The following CDH17 variants were observed in gnomAD, a reference collection of about 807,000 sequenced individuals.
CDH17 encodes cadherin-17.
A neutral mutation model predicts 86.3 loss-of-function variants in CDH17; 67 were observed. The observed-to-expected ratio is 0.78, with a 90% confidence interval of 0.64 to 0.95. The LOEUF (loss-of-function observed/expected upper bound fraction) is 0.95. Ranked by LOEUF, CDH17 falls within the 40% of genes least tolerant of loss-of-function variation. CDH17 has a pLI of 0.00. For synonymous variants in CDH17, 367 were observed against 366.4 expected (o/e 1.00, Z -0.02); for missense variants, 993 against 1,017.6 (o/e 0.98, Z 0.33).
intron 5 of CDH17, 81 bp from the exon 6 acceptor site, chr8:94,174,341 C>T: frequency 4.3e-6 from 6 of 1,385,044 alleles, no homozygotes; most frequent in Non-Finnish European, 5.9e-6. Context: ...CTTTTTCCAT[C>T]TAAAAAGTGG....
intron 1 of CDH17, among the ~76,000 whole-genome samples, chr8:94,200,597 C>T (rs1446191238): frequency 2.3e-5 from 3 of 127,806 alleles, no homozygotes; most frequent in Non-Finnish European, 3.1e-5. Flanking sequence ...AAAAGAAGGC[C>T]TCGGTTCCCA....
At position 94,159,995 on chromosome 8, in the gene CDH17, G is replaced by A. The variant is rs369294432; in HGVS notation, c.1527C>T (p.Asn509=). The A allele has an allele frequency of 1.9e-6, 3 of 1,609,428 alleles. No individual in the cohort carries two copies. The highest frequency in any genetic ancestry group is 2.7e-5 in the African/African-American group (2 of 74,718). Residue 509 remains asparagine (N), a synonymous_variant, in exon 12 of 18, where the codon AAC becomes AAT. Transcript: ENST00000027335. ...RLGVDTDPHT[N]TGYVIIKKPL... ...CCTTTTTAATTATGACATATCCGGT[G>A]TTGGTATGGGGATCTGTGTCAACCC...
chr8:94,166,555 G>T (rs1411413820), intron 9 of CDH17, among the ~76,000 whole-genome samples: 1 of 152,100 alleles, frequency 6.6e-6, no homozygotes. Flanking sequence ...ATATAATTTG[G>T]GGGGCACGGG....
At chr8:94,158,724 G>A (rs771849360) in intron 12 of CDH17, among the ~76,000 whole-genome samples, 3 of 152,186 alleles carry the variant, frequency 2.0e-5, no homozygotes, top group African/African-American at 4.8e-5. Context: ...GCTTTGAGCT[G>A]GTCCACAGCA....
At chr8:94,192,914 T>C (rs1813713780) in intron 2 of CDH17, among the ~76,000 whole-genome samples, 1 of 152,238 alleles carries the variant, frequency 6.6e-6, no homozygotes. Flanking sequence ...TGGAGTAAAT[T>C]AGTGCTTCTG....
chr8:94,183,313 A>C (rs948269570), intron 3 of CDH17, among the ~76,000 whole-genome samples: 1 of 152,166 alleles, frequency 6.6e-6, no homozygotes, highest in African/African-American at 2.4e-5. Flanking sequence ...AAGTAGGAAG[A>C]CTTAACGTTC....
intron 3 of CDH17, among the ~76,000 whole-genome samples, chr8:94,184,221 TTGTG>T (rs150547591): frequency 7.4e-6 from 1 of 134,610 alleles, no homozygotes; most frequent in East Asian, 2.0e-4. Flanking sequence ...GTGTGTGTGT[TTGTG>T]TGTGTGTGTG....
At position 94,177,591 on chromosome 8, in the gene CDH17, A is replaced by T; in HGVS notation, c.281T>A (p.Leu94His). ...LDRETRSTHN[L>H]QVAALDANGI... ...CTTCAGCTGGTATCAATTTACCTGG[A>T]GATTGTGAGTAGATCTTGTTTCCCT... The change falls in exon 4 of 18, where the codon CTC (leucine) becomes CAC (histidine). Residue 94 changes from leucine to histidine, a missense_variant. Coordinates refer to ENST00000027335, the MANE Select transcript of CDH17 (RefSeq NM_004063.4). 9 of 1,613,752 alleles carry T rather than the reference A, an allele frequency of 5.6e-6. No individual in the cohort carries two copies. The highest frequency in any genetic ancestry group is 7.6e-6 in the Non-Finnish European group (9 of 1,179,740).
chr8:94,190,501 G>T (rs1288284266), intron 2 of CDH17, among the ~76,000 whole-genome samples: 1 of 152,186 alleles, frequency 6.6e-6, no homozygotes, highest in African/African-American at 2.4e-5. Flanking sequence ...CTAGGACCAG[G>T]GATTTAGTGC....
At chr8:94,204,617 G>A (rs949469802) in intron 1 of CDH17, among the ~76,000 whole-genome samples, 1 of 152,178 alleles carries the variant, frequency 6.6e-6, no homozygotes, top group Non-Finnish European at 1.5e-5. Flanking sequence ...ACGTGTACAT[G>A]TGTCTTTATA....
chr8:94,188,950 G>T (rs572578536), intron 3 of CDH17, among the ~76,000 whole-genome samples: 2 of 152,302 alleles, frequency 1.3e-5, no homozygotes, highest in South Asian at 2.1e-4. Context: ...GCTCCCTGCA[G>T]AGGGCTGGGA....
At chr8:94,139,677 C>G (rs548320633) in intron 15 of CDH17, among the ~76,000 whole-genome samples, 1 of 151,950 alleles carries the variant, frequency 6.6e-6, no homozygotes, top group East Asian at 1.9e-4. Context: ...CTGGGGCAGG[C>G]AGATTACTTG....
rs898047921 is a variant in CDH17 at position 94,156,606 on chromosome 8, A to C, written c.1551+3365T>G. 4.6e-5 allele frequency among the ~76,000 whole-genome samples: 7 copies of C among 152,200 alleles called. 1 individual carries two copies. Among genetic ancestry groups the C allele is most frequent in the Non-Finnish European group, 1.0e-4 (7 of 68,038 alleles). ...TTTAATCTGAAGGATTGCTTTGGGC[A>C]CTTGCCAAAATTACTCATTTCCAGG... On this transcript the variant is annotated intron_variant, in intron 12 of 17. Coordinates refer to ENST00000027335, the MANE Select transcript of CDH17 (RefSeq NM_004063.4).
In CDH17 at chr8:94,213,974, G is replaced by T. The variant is rs201790051; in HGVS notation, c.-21+3224C>A. On this transcript the variant is annotated intron_variant, in intron 1 of 17. Transcript: ENST00000450165. The stretch of plus-strand genomic sequence containing the variant: ...CACTCACTCTGTGGAGGTCAACTCT[G>T]CTCCCATCTACTTGCCAACATCTCG... Among the ~76,000 whole-genome samples the T allele has an allele frequency of 2.2e-4, 33 of 152,188 alleles. No homozygotes were observed. In the East Asian group the frequency reaches 6.2e-3, roughly 29 times the overall value.
intron 10 of CDH17, 117 bp from the exon 11 acceptor site, chr8:94,162,279 T>A: frequency 1.4e-6 from 1 of 695,572 alleles, no homozygotes; most frequent in Non-Finnish European, 2.6e-6. Context: ...AATTTTGCAA[T>A]TGACATGCAA....
chr8:94,196,981 G>A (rs539888496), intron 1 of CDH17, among the ~76,000 whole-genome samples: 12 of 152,160 alleles, frequency 7.9e-5, no homozygotes, highest in South Asian at 2.1e-4. Context: ...CAATCTCTCC[G>A]GCCCTGTGTA....
Position 94,213,922 on chromosome 8 carries a change from GC to G in CDH17, c.-21+3275del, listed in dbSNP as rs1490196015. Among the ~76,000 whole-genome samples the G allele has an allele frequency of 4.6e-5, 7 of 152,112 alleles. No homozygotes were observed. The South Asian group carries it at 6.2e-4, about 14-fold the overall frequency. On this transcript the variant is annotated intron_variant, in intron 1 of 17. Coordinates refer to the CDH17 transcript ENST00000450165. Reference sequence around the variant, plus strand: ...ACTTGTGACTCATCCAACTCCTTGGGCCCAATCCCAGGTTATCCTGTCCTGT... The same window carrying G: ...ACTTGTGACTCATCCAACTCCTTGGGCCAATCCCAGGTTATCCTGTCCTGT...
intron 3 of CDH17, among the ~76,000 whole-genome samples, chr8:94,187,741 G>C (rs1369515179): frequency 6.6e-6 from 1 of 151,974 alleles, no homozygotes; most frequent in East Asian, 1.9e-4. Context: ...GCTAGTCCTT[G>C]GTATGTCTCC....
chr8:94,154,734 T>C (rs1812915209), intron 12 of CDH17, among the ~76,000 whole-genome samples: 1 of 152,166 alleles, frequency 6.6e-6, no homozygotes, highest in Non-Finnish European at 1.5e-5. Context: ...TCATAGCACC[T>C]AATAGATCTA....
Sources: allele counts gnomAD v4.1 joint callset (sites outside exome capture counted in the v4.1 genomes callset), GRCh38; gene constraint gnomAD v4.1.1; transcripts MANE v1.5; gene names NCBI Gene and HGNC (gene_info 2026-07-23, HGNC 2026-07-21).